The following SEC63 variants were observed in gnomAD, a reference collection of about 807,000 sequenced individuals.
The protein encoded by SEC63 is SEC63 protein translocation regulator.
In SEC63, 56 loss-of-function variants were observed where a neutral mutation model predicts 116.2. That is an observed-to-expected ratio of 0.48 (90% confidence interval 0.39 to 0.60). The LOEUF (loss-of-function observed/expected upper bound fraction) is 0.60, where lower values mean the gene tolerates loss of function less well. Among genes scored for constraint, SEC63 ranks in the 20% least tolerant of loss-of-function variants. The pLI is 0.00. For synonymous variants in SEC63, 273 were observed against 294.6 expected (o/e 0.93, Z 0.75); for missense variants, 668 against 900.0 (o/e 0.74, Z 3.30).
At chr6:107,912,845 T>C (rs1320825209) in intron 5 of SEC63, 71 bp from the exon 6 acceptor site, 1 of 1,136,066 alleles carries the variant, frequency 8.8e-7, no homozygotes, top group East Asian at 2.5e-5. Context: ...TAAATATATT[T>C]GGGATCTATA....
chr6:107,910,191 C>A (rs1321715673), intron 7 of SEC63, among the ~76,000 whole-genome samples: 1 of 152,152 alleles, frequency 6.6e-6, no homozygotes, highest in East Asian at 1.9e-4. Flanking sequence ...GTCAGCCAGG[C>A]ATGGTGGTTC....
At chr6:107,908,558 A>G (rs905825431) in intron 8 of SEC63, among the ~76,000 whole-genome samples, 1 of 152,190 alleles carries the variant, frequency 6.6e-6, no homozygotes, top group Non-Finnish European at 1.5e-5. Flanking sequence ...CATCTATAAG[A>G]TGTACTGTAA....
At chr6:107,931,172 A>G (rs1787797828) in intron 1 of SEC63, among the ~76,000 whole-genome samples, 1 of 151,688 alleles carries the variant, frequency 6.6e-6, no homozygotes, top group Non-Finnish European at 1.5e-5. Flanking sequence ...GTGAAACTCC[A>G]TCTCTACTAA....
intron 1 of SEC63, chr6:107,957,083 T>A (rs1770725284): frequency 6.6e-6 from 1 of 152,010 alleles, no homozygotes; most frequent in African/African-American, 2.4e-5. Context: ...AAACATCAAG[T>A]GAAATATGAA....
intron 1 of SEC63, among the ~76,000 whole-genome samples, chr6:107,933,338 C>A (rs1348205672): frequency 6.6e-6 from 1 of 152,182 alleles, no homozygotes; most frequent in Non-Finnish European, 1.5e-5. Context: ...CTGTTTTAAA[C>A]CAATGAGTTT....
At chr6:107,908,135 C>A (rs976369157) in intron 8 of SEC63, among the ~76,000 whole-genome samples, 1 of 152,058 alleles carries the variant, frequency 6.6e-6, no homozygotes, top group African/African-American at 2.4e-5. Flanking sequence ...AGTAAAATTG[C>A]CAAATCCAAA....
At chr6:107,918,904 CTTTTTTTTTT>C (rs1164457296) in intron 4 of SEC63, among the ~76,000 whole-genome samples, 1 of 54,736 alleles carries the variant, frequency 1.8e-5, no homozygotes, top group African/African-American at 7.5e-5. Context: ...AGCTGATTTC[CTTTTTTTTTT>C]TTTTTTTTTT....
At chr6:107,892,847 G>A (rs141384431) in intron 16 of SEC63, among the ~76,000 whole-genome samples, 157 of 152,234 alleles carry the variant, frequency 1.0e-3, no homozygotes, top group African/African-American at 3.5e-3. Context: ...TGGTGAGTAC[G>A]TAGAACAAGA....
chr6:107,929,548 C>T (rs1213818198), intron 1 of SEC63, 34 bp from the exon 2 acceptor site: 1 of 1,289,944 alleles, frequency 7.8e-7, no homozygotes, highest in Non-Finnish European at 1.1e-6. Flanking sequence ...GAATTAAAAA[C>T]CATTTTTCAC....
intron 14 of SEC63, among the ~76,000 whole-genome samples, chr6:107,895,245 T>G (rs1340591143): frequency 6.6e-6 from 1 of 152,178 alleles, no homozygotes; most frequent in Admixed American, 6.5e-5. Flanking sequence ...GGCTGGGAAG[T>G]CCAAAGGATA....
chr6:107,874,558 T>C (rs1167677901), intron 19 of SEC63, among the ~76,000 whole-genome samples: 27 of 135,854 alleles, frequency 2.0e-4, no homozygotes, highest in Admixed American at 1.9e-3. Flanking sequence ...ATCATGCCAC[T>C]GCACTCCAGC....
At chr6:107,888,453 A>C (rs1786592561) in intron 16 of SEC63, among the ~76,000 whole-genome samples, 1 of 152,226 alleles carries the variant, frequency 6.6e-6, no homozygotes, top group Admixed American at 6.5e-5. Context: ...GTATCCTAAG[A>C]CTTAGCTGAA....
Position 107,890,942 on chromosome 6 carries a change from T to C in SEC63, c.1674+2540A>G, listed in dbSNP as rs367556524. On this transcript the variant is annotated intron_variant, in intron 16 of 20. Transcript: ENST00000369002. Reference sequence around the variant, plus strand: ...AAGGTTTCTGCCAAGAGATCTGCTGTTAGTCTGATGGGCTTCCCTTTGTGG... The same window carrying C: ...AAGGTTTCTGCCAAGAGATCTGCTGCTAGTCTGATGGGCTTCCCTTTGTGG... Among the ~76,000 whole-genome samples the C allele has an allele frequency of 2.6e-5, 4 of 152,254 alleles. No homozygotes were observed. The East Asian group carries it at 5.8e-4, about 22-fold the overall frequency.
intron 16 of SEC63, among the ~76,000 whole-genome samples, chr6:107,893,139 CACACACACACACACACAG>C (rs2114426105): frequency 6.7e-6 from 1 of 149,832 alleles, no homozygotes; most frequent in African/African-American, 2.5e-5. Context: ...CACACACACA[CACACACACACACACACAG>C]AATGAACTAC....
In SEC63 at chr6:107,929,420, T is replaced by C. The variant is rs555340568; in HGVS notation, c.219A>G (p.Thr73=). The C allele has an allele frequency of 1.4e-5, 22 of 1,532,128 alleles. No individual in the cohort carries two copies. The highest frequency in any genetic ancestry group is 1.8e-5 in the Non-Finnish European group (20 of 1,105,704). 94.9% of individuals were successfully genotyped at this position (1,532,128 alleles called of 1,614,324 possible). ...TCTTGAAATCCATTACTTACTTTACTGTAGGAATAATATTTGGCTGGGGTT... is the reference window on the plus strand; with the variant it reads ...TCTTGAAATCCATTACTTACTTTACCGTAGGAATAATATTTGGCTGGGGTT... ...LLKPQPNIIP[T]VKKIVLLAGW... is the part of the protein sequence containing the mutation. Residue 73 remains threonine (T), a synonymous_variant, in exon 2 of 21, where the codon ACA becomes ACG. Coordinates refer to ENST00000369002, the MANE Select transcript of SEC63 (RefSeq NM_007214.5).
intron 16 of SEC63, 90 bp downstream of exon 16, chr6:107,893,391 TA>T: frequency 1.5e-6 from 2 of 1,304,092 alleles, no homozygotes; most frequent in African/African-American, 1.5e-5. Context: ...ATAAATTATG[TA>T]AAACTTTTGA....
At chr6:107,919,231 A>G (rs1399835416) in intron 4 of SEC63, among the ~76,000 whole-genome samples, 1 of 152,174 alleles carries the variant, frequency 6.6e-6, no homozygotes, top group Non-Finnish European at 1.5e-5. Context: ...TTCAACCTTC[A>G]TGGATGACTT....
chr6:107,874,721 G>A (rs987371346), intron 19 of SEC63, among the ~76,000 whole-genome samples: 19 of 151,996 alleles, frequency 1.3e-4, no homozygotes, highest in Admixed American at 6.6e-5. Context: ...TGTTGCCCAG[G>A]CTGAAGTACA....
intron 4 of SEC63, among the ~76,000 whole-genome samples, chr6:107,913,958 G>T (rs897376071): frequency 6.6e-6 from 1 of 152,166 alleles, no homozygotes; most frequent in Non-Finnish European, 1.5e-5. Context: ...ATTGCTGTGG[G>T]TAAGGTAATT....
Sources: gnomAD v4.1 joint callset for allele counts (sites outside exome capture counted in the v4.1 genomes callset) on GRCh38, gnomAD v4.1.1 for gene constraint, MANE v1.5 for transcripts, NCBI Gene and HGNC (gene_info 2026-07-23, HGNC 2026-07-21) for gene names.